The following PDSS2 variants were observed in gnomAD, a reference collection of about 807,000 sequenced individuals.
PDSS2 encodes the protein decaprenyl diphosphate synthase subunit 2.
In PDSS2, 31 loss-of-function variants were observed where a neutral mutation model predicts 44.5. The observed-to-expected ratio is 0.70, with a 90% CI of 0.52 to 0.94. The LOEUF is 0.94. Ranked by LOEUF, PDSS2 falls within the 40% of genes least tolerant of loss-of-function variation. PDSS2 has a pLI of 0.00. For synonymous variants in PDSS2, 157 were observed against 180.3 expected, an observed-to-expected ratio of 0.87 and a Z score of 1.03; for missense variants, 452 against 482.2, an observed-to-expected ratio of 0.94 and a Z score of 0.59.
intron 4 of PDSS2, 100 bp downstream of exon 4, chr6:107,245,448 C>CCA: frequency 3.1e-6 from 1 of 324,138 alleles, no homozygotes; most frequent in Non-Finnish European, 5.6e-6. Context: ...AAAAAAAAGC[C>CCA]ATGTACAATT....
intron 3 of PDSS2, among the ~76,000 whole-genome samples, chr6:107,252,473 G>A (rs1395117220): frequency 6.6e-6 from 1 of 152,210 alleles, no homozygotes; most frequent in Non-Finnish European, 1.5e-5. Flanking sequence ...AGCGAAGAGA[G>A]AGAAATGGCA....
intron 1 of PDSS2, among the ~76,000 whole-genome samples, chr6:107,438,153 T>C (rs541376459): frequency 6.6e-6 from 1 of 152,194 alleles, no homozygotes; most frequent in African/African-American, 2.4e-5. Flanking sequence ...CCTGTCTATA[T>C]TTAATTAGAC....
intron 1 of PDSS2, among the ~76,000 whole-genome samples, chr6:107,338,496 T>A (rs901811949): frequency 6.6e-6 from 1 of 152,222 alleles, no homozygotes; most frequent in African/African-American, 2.4e-5. Flanking sequence ...AGATGTGGCC[T>A]CCCTTCTTGT....
At chr6:107,184,636 G>T (rs899041716) in intron 7 of PDSS2, among the ~76,000 whole-genome samples, 2 of 152,196 alleles carry the variant, frequency 1.3e-5, no homozygotes, top group African/African-American at 2.4e-5. Flanking sequence ...GACTTCTGGG[G>T]GTGAAGAGGA....
At chr6:107,212,632 A>G (rs1582794117) in intron 4 of PDSS2, among the ~76,000 whole-genome samples, 2 of 152,314 alleles carry the variant, frequency 1.3e-5, no homozygotes, top group Middle Eastern at 6.8e-3. Flanking sequence ...GGTATTAAGC[A>G]CAAGAAGCCT....
intron 6 of PDSS2, among the ~76,000 whole-genome samples, chr6:107,205,491 C>T (rs573303588): frequency 6.6e-6 from 1 of 152,296 alleles, no homozygotes; most frequent in East Asian, 1.9e-4. Context: ...AAAATGATAA[C>T]TGAGTAATGA....
chr6:107,227,398 C>T lies in PDSS2; in HGVS notation c.703-15116G>A, dbSNP rs1391941897. On this transcript the variant is annotated intron_variant, in intron 4 of 7. Coordinates refer to ENST00000369037, the MANE Select transcript of PDSS2 (RefSeq NM_020381.4). ...CCGCCTCCCAGGTTCAAGCGATTCT[C>T]GTGCCTCAGCCTCCTGAGTAGCTGG... Among the ~76,000 whole-genome samples, 6 of 149,736 alleles carry T rather than the reference C, an allele frequency of 4.0e-5. No individual in the cohort carries two copies. In the South Asian group the frequency reaches 6.3e-4, roughly 16 times the overall value.
chr6:107,240,719 A>G (rs970610328), intron 4 of PDSS2, among the ~76,000 whole-genome samples: 1 of 152,060 alleles, frequency 6.6e-6, no homozygotes, highest in Non-Finnish European at 1.5e-5. Context: ...TGTAAAAAAT[A>G]AAAATTTAAA....
At chr6:107,376,044 T>C (rs912212347) in intron 1 of PDSS2, among the ~76,000 whole-genome samples, 3 of 152,210 alleles carry the variant, frequency 2.0e-5, no homozygotes, top group African/African-American at 7.2e-5. Context: ...CTTGTTTTTC[T>C]CAGGTCTGTC....
At chr6:107,190,575 GCA>G (rs779210563) in intron 7 of PDSS2, among the ~76,000 whole-genome samples, 52 of 152,316 alleles carry the variant, frequency 3.4e-4, no homozygotes, top group Non-Finnish European at 5.6e-4. Flanking sequence ...ACTGAGAAAT[GCA>G]CAGTGTATTG....
intron 7 of PDSS2, among the ~76,000 whole-genome samples, chr6:107,156,197 T>C (rs1426765248): frequency 3.1e-4 from 9 of 29,434 alleles, no homozygotes; most frequent in African/African-American, 4.9e-4. Flanking sequence ...GCCTGAATGC[T>C]TTTTTTTTTT....
chr6:107,373,653 T>G (rs1211327791), intron 1 of PDSS2, among the ~76,000 whole-genome samples: 3 of 152,190 alleles, frequency 2.0e-5, no homozygotes, highest in Non-Finnish European at 2.9e-5. Context: ...GAAGTAACCC[T>G]TTTTCTTCTC....
At chr6:107,328,979 A>G (rs546384762) in intron 2 of PDSS2, among the ~76,000 whole-genome samples, 10 of 152,304 alleles carry the variant, frequency 6.6e-5, no homozygotes, top group African/African-American at 2.4e-4. Context: ...ACTGCTTGCT[A>G]TGGGCAACAG....
chr6:107,405,642 T>TC (rs1313412230), intron 1 of PDSS2, among the ~76,000 whole-genome samples: 1 of 151,590 alleles, frequency 6.6e-6, no homozygotes, highest in African/African-American at 2.4e-5. Flanking sequence ...GGTCAGGAGA[T>TC]CGAGACCATC....
chr6:107,294,348 C>G (rs1254066104), intron 2 of PDSS2, among the ~76,000 whole-genome samples: 1 of 152,044 alleles, frequency 6.6e-6, no homozygotes, highest in Non-Finnish European at 1.5e-5. Context: ...AATGTCCCCC[C>G]AAATACTTCA....
chr6:107,323,209 G>A (rs1777438091), intron 2 of PDSS2, among the ~76,000 whole-genome samples: 1 of 152,158 alleles, frequency 6.6e-6, no homozygotes, highest in South Asian at 2.1e-4. Flanking sequence ...CAGCAAAAGA[G>A]TTTTAGAAAG....
At chr6:107,240,021 T>A (rs1185966404) in intron 4 of PDSS2, among the ~76,000 whole-genome samples, 1 of 152,132 alleles carries the variant, frequency 6.6e-6, no homozygotes, top group Non-Finnish European at 1.5e-5. Flanking sequence ...CCAAAGTCAA[T>A]TTTGTAAAAA....
chr6:107,418,274 AGAG>A (rs1043058357), intron 1 of PDSS2, among the ~76,000 whole-genome samples: 23 of 152,340 alleles, frequency 1.5e-4, no homozygotes, highest in African/African-American at 5.0e-4. Flanking sequence ...GGTCAGATTG[AGAG>A]GAGATGTGAG....
At chr6:107,306,652 G>T (rs1162054964) in intron 2 of PDSS2, among the ~76,000 whole-genome samples, 2 of 151,962 alleles carry the variant, frequency 1.3e-5, no homozygotes, top group Non-Finnish European at 2.9e-5. Context: ...TTTATTGGTG[G>T]TCCTTCAGAT....
Sources: allele counts gnomAD v4.1 joint callset (sites outside exome capture counted in the v4.1 genomes callset), GRCh38; gene constraint gnomAD v4.1.1; transcripts MANE v1.5; gene names NCBI Gene and HGNC (gene_info 2026-07-23, HGNC 2026-07-21).